Variants in TLN2 observed in about 807,000 individuals in gnomAD.
TLN2 encodes the protein talin 2.
In TLN2, 118 loss-of-function variants were observed where a neutral mutation model predicts 294.7. The observed-to-expected ratio is 0.40, with a 90% confidence interval of 0.34 to 0.47. The LOEUF (loss-of-function observed/expected upper bound fraction) is 0.47. Among genes scored for constraint, TLN2 ranks in the 20% least tolerant of loss-of-function variants. The pLI, the probability that TLN2 is intolerant of heterozygous loss-of-function variation, is 0.84. For missense variants in TLN2, 3,083 were observed against 3,282.2 expected, an observed-to-expected ratio of 0.94 and a Z score of 1.48; for synonymous variants, 1,431 against 1,304.5, an observed-to-expected ratio of 1.10 and a Z score of -2.09.
At chr15:62,721,855 G>C (rs1040960727) in intron 25 of TLN2, among the ~76,000 whole-genome samples, 1 of 152,212 alleles carries the variant, frequency 6.6e-6, no homozygotes, top group African/African-American at 2.4e-5. Context: ...GTGAGATAGA[G>C]TGAACAGTGT....
At chr15:62,624,829 C>G (rs913090222) in intron 3 of TLN2, among the ~76,000 whole-genome samples, 4 of 152,062 alleles carry the variant, frequency 2.6e-5, no homozygotes, top group Non-Finnish European at 5.9e-5. Flanking sequence ...CTGGTAACAC[C>G]ACGTCAATGT....
intron 1 of TLN2, among the ~76,000 whole-genome samples, chr15:62,577,843 A>G (rs1029950436): frequency 3.9e-5 from 6 of 152,206 alleles, no homozygotes; most frequent in African/African-American, 1.2e-4. Context: ...TCCCTCCCCC[A>G]GCCTCCTACT....
At chr15:62,477,160 G>A (rs1459214780) in intron 1 of TLN2, among the ~76,000 whole-genome samples, 2 of 152,072 alleles carry the variant, frequency 1.3e-5, no homozygotes, top group Admixed American at 1.3e-4. Flanking sequence ...ATGCTATTTG[G>A]GCAGAGTGCT....
chr15:62,823,358 C>A (rs1642504624), intron 54 of TLN2, among the ~76,000 whole-genome samples: 1 of 152,178 alleles, frequency 6.6e-6, no homozygotes, highest in Non-Finnish European at 1.5e-5. Context: ...AATTAAAAAA[C>A]AATAACAACA....
chr15:62,638,225 G>A (rs192546933), intron 3 of TLN2: 232 of 300,076 alleles, frequency 7.7e-4, no homozygotes, highest in Non-Finnish European at 1.3e-3. Context: ...AGTGTGTTCT[G>A]TAGTGCACTA....
intron 30 of TLN2, among the ~76,000 whole-genome samples, chr15:62,738,849 A>C (rs1487923101): frequency 6.6e-6 from 1 of 152,222 alleles, no homozygotes; most frequent in East Asian, 1.9e-4. Context: ...ACTTTTCACA[A>C]ATGGTTATCA....
intron 1 of TLN2, among the ~76,000 whole-genome samples, chr15:62,429,451 G>A (rs1055471428): frequency 2.6e-5 from 4 of 152,128 alleles, no homozygotes; most frequent in African/African-American, 9.7e-5. Flanking sequence ...CTGGTGAGAC[G>A]TCTCCCCACC....
intron 36 of TLN2, chr15:62,754,452 A>G (rs377648848): frequency 1.3e-5 from 2 of 152,452 alleles, no homozygotes; most frequent in South Asian, 2.1e-4. Context: ...AGAAGCCAGA[A>G]TGACATTTGA....
rs201711971 is a variant in TLN2, at chr15:62,770,964, G to A, written c.5197G>A (p.Val1733Met). 31 of 1,565,686 alleles carry A rather than the reference G, an allele frequency of 2.0e-5. No homozygotes were observed. The highest frequency in any genetic ancestry group is 3.6e-5 in the South Asian group (3 of 83,574). Residue 1733 changes from valine (V) to methionine (M), a missense_variant and splice_region_variant, in exon 42 of 59, where the codon GTG (valine) becomes ATG (methionine). Val to Met is a conservative substitution (Grantham distance 21). Coordinates refer to ENST00000636159, the MANE Select transcript of TLN2 (RefSeq NM_015059.3). ...TGGCTTTTTTTTTTTTTTTTGAAAG[G>A]TGACACAACTGGCAAGCTATTTTGA... is the stretch of plus-strand genomic sequence containing the variant. ...RGEAAQLGHK[V>M]TQLASYFEPL...
At chr15:62,437,881 A>G (rs982558970) in intron 1 of TLN2, among the ~76,000 whole-genome samples, 8 of 152,164 alleles carry the variant, frequency 5.3e-5, no homozygotes, top group Non-Finnish European at 1.0e-4. Flanking sequence ...ATTGATTAAC[A>G]TAGTCATGAA....
At chr15:62,801,380 T>G (rs1027723781) in intron 50 of TLN2, among the ~76,000 whole-genome samples, 28 of 152,224 alleles carry the variant, frequency 1.8e-4, no homozygotes, top group Non-Finnish European at 4.0e-4. Flanking sequence ...GATCCCACAA[T>G]GGTTGTGGAT....
chr15:62,819,096 G>A (rs894457762), intron 52 of TLN2, among the ~76,000 whole-genome samples: 1 of 152,076 alleles, frequency 6.6e-6, no homozygotes, highest in Non-Finnish European at 1.5e-5. Context: ...CTGGGCTCAA[G>A]CAGCCCTCCC....
intron 1 of TLN2, among the ~76,000 whole-genome samples, chr15:62,532,240 GTT>G (rs534369136): frequency 6.6e-6 from 1 of 151,652 alleles, no homozygotes; most frequent in Non-Finnish European, 1.5e-5. Context: ...TTGTTTTAGG[GTT>G]TCTTGGTTTT....
At chr15:62,429,130 T>A (rs1441589480) in intron 1 of TLN2, among the ~76,000 whole-genome samples, 1 of 74,894 alleles carries the variant, frequency 1.3e-5, no homozygotes, top group South Asian at 5.2e-4. Flanking sequence ...TTGGCGGGGG[T>A]TGGGGGGGTA....
At chr15:62,652,368 A>G (rs2052689590) in intron 6 of TLN2, among the ~76,000 whole-genome samples, 1 of 152,130 alleles carries the variant, frequency 6.6e-6, no homozygotes, top group African/African-American at 2.4e-5. Context: ...AAACAAGAAG[A>G]TTTTCAAATG....
chr15:62,420,720 C>T (rs2034342772), intron 1 of TLN2, among the ~76,000 whole-genome samples: 1 of 152,118 alleles, frequency 6.6e-6, no homozygotes, highest in South Asian at 2.1e-4. Context: ...CTTTCCTGGG[C>T]CTTAAAGCAT....
chr15:62,783,008 A>G (rs771334438), intron 44 of TLN2, among the ~76,000 whole-genome samples: 7 of 152,338 alleles, frequency 4.6e-5, no homozygotes, highest in Non-Finnish European at 8.8e-5. Flanking sequence ...AGGAAACACT[A>G]GAAACTAGCA....
intron 1 of TLN2, among the ~76,000 whole-genome samples, chr15:62,443,195 G>A (rs549291395): frequency 6.6e-6 from 1 of 152,160 alleles, no homozygotes; most frequent in Non-Finnish European, 1.5e-5. Context: ...TTGTTGGGGG[G>A]CCATTGTTCA....
chr15:62,510,936 C>T (rs144048421), intron 1 of TLN2, among the ~76,000 whole-genome samples: 1 of 152,344 alleles, frequency 6.6e-6, no homozygotes, highest in Non-Finnish European at 1.5e-5. Flanking sequence ...AGTTAAGACA[C>T]AAAGATTGTC....
Sources: allele counts gnomAD v4.1 joint callset (sites outside exome capture counted in the v4.1 genomes callset), GRCh38; gene constraint gnomAD v4.1.1; transcripts MANE v1.5; gene names NCBI Gene and HGNC (gene_info 2026-07-23, HGNC 2026-07-21).